The following FBXL17 variants were observed in gnomAD, a reference collection of about 807,000 sequenced individuals.
FBXL17 encodes the protein F-box/LRR-repeat protein 17.
FBXL17 carries 22 observed loss-of-function variants against 66.2 expected under a neutral mutation model. The observed-to-expected ratio is 0.33, with a 90% confidence interval of 0.24 to 0.47. The LOEUF is 0.47. Among genes scored for constraint, FBXL17 ranks in the 20% least tolerant of loss-of-function variants. The pLI, the probability that FBXL17 is intolerant of heterozygous loss-of-function variation, is 1.00. For missense variants in FBXL17, 878 were observed against 948.2 expected, an observed-to-expected ratio of 0.93 and a Z score of 0.97; for synonymous variants, 474 against 400.5, an observed-to-expected ratio of 1.18 and a Z score of -2.19.
intron 7 of FBXL17, among the ~76,000 whole-genome samples, chr5:107,904,086 G>GT: frequency 6.6e-6 from 1 of 152,276 alleles, no homozygotes; most frequent in East Asian, 1.9e-4. Context: ...TCCAAGCCTA[G>GT]ATCCCCTTTC....
intron 4 of FBXL17, chr5:108,299,742 A>C (rs903271592): frequency 2.0e-6 from 2 of 985,048 alleles, no homozygotes; most frequent in African/African-American, 3.5e-5. Flanking sequence ...TCCACTCTGC[A>C]GGAGCTGATT....
intron 8 of FBXL17, among the ~76,000 whole-genome samples, chr5:107,869,915 T>C (rs896818607): frequency 6.6e-6 from 1 of 152,236 alleles, no homozygotes; most frequent in Non-Finnish European, 1.5e-5. Flanking sequence ...AGCAAACTTA[T>C]GATAAATGTT....
intron 7 of FBXL17, among the ~76,000 whole-genome samples, chr5:107,936,431 A>AT (rs527710544): frequency 2.6e-5 from 4 of 152,118 alleles, no homozygotes; most frequent in East Asian, 3.9e-4. Context: ...TTTACTATTT[A>AT]TTTTTTTAAA....
chr5:108,041,586 T>G (rs1350681308), intron 6 of FBXL17, among the ~76,000 whole-genome samples: 2 of 152,048 alleles, frequency 1.3e-5, no homozygotes, highest in Non-Finnish European at 2.9e-5. Flanking sequence ...CTGGCTAATT[T>G]TTTTAATTTT....
chr5:108,168,076 T>C (rs1290437622), intron 6 of FBXL17, among the ~76,000 whole-genome samples: 3 of 152,202 alleles, frequency 2.0e-5, no homozygotes, highest in East Asian at 1.9e-4. Context: ...CTTTCCTATT[T>C]GTGTGTCAAA....
At chr5:108,326,835 A>G (rs1183258262) in intron 4 of FBXL17, among the ~76,000 whole-genome samples, 1 of 152,178 alleles carries the variant, frequency 6.6e-6, no homozygotes, top group African/African-American at 2.4e-5. Flanking sequence ...TGGTAGCGAC[A>G]TAGTAGTCCA....
intron 6 of FBXL17, among the ~76,000 whole-genome samples, chr5:108,070,713 G>C (rs1748296162): frequency 6.6e-6 from 1 of 152,164 alleles, no homozygotes; most frequent in Non-Finnish European, 1.5e-5. Context: ...GCTTTGGACA[G>C]TTTTTACTAA....
chr5:107,862,435 A>G (rs1208776703), intron 8 of FBXL17, among the ~76,000 whole-genome samples: 2 of 152,204 alleles, frequency 1.3e-5, no homozygotes, highest in Non-Finnish European at 2.9e-5. Context: ...AATAGACCTT[A>G]ACCATCAAAG....
intron 7 of FBXL17, among the ~76,000 whole-genome samples, chr5:107,987,153 C>A (rs1753045159): frequency 6.6e-6 from 1 of 151,914 alleles, no homozygotes; most frequent in African/African-American, 2.4e-5. Context: ...TATAATATAG[C>A]ACATAAAATT....
rs144019399 is a variant in FBXL17 at position 108,153,554 on chromosome 5, T to TA, written c.1745+32562dup. Among the ~76,000 whole-genome samples, 528 of 152,328 alleles carry TA rather than the reference T, an allele frequency of 3.5e-3. 2 individuals are homozygous for TA. Among genetic ancestry groups the TA allele is most frequent in the African/African-American group, 0.012 (510 of 41,568 alleles). ...GTAATGAGAAAATAAGAATTTAAGA[T>TA]AAAGTTTTATTGTAGAGACCAGCCT... On this transcript the variant is annotated intron_variant, in intron 6 of 8. Coordinates refer to ENST00000542267, the MANE Select transcript of FBXL17 (RefSeq NM_001163315.3).
chr5:107,876,839 C>A (rs540142193), intron 8 of FBXL17, among the ~76,000 whole-genome samples: 2 of 152,136 alleles, frequency 1.3e-5, no homozygotes, highest in Non-Finnish European at 2.9e-5. Flanking sequence ...AAAATAATTT[C>A]TACGACCAAA....
chr5:107,963,308 C>A (rs765962531), intron 7 of FBXL17, among the ~76,000 whole-genome samples: 3 of 152,022 alleles, frequency 2.0e-5, no homozygotes, highest in Admixed American at 6.6e-5. Context: ...CAGACATAGT[C>A]CCCTGGTCCC....
At chr5:108,343,412 T>C (rs1254599227) in intron 4 of FBXL17, among the ~76,000 whole-genome samples, 2 of 152,164 alleles carry the variant, frequency 1.3e-5, no homozygotes, top group Non-Finnish European at 2.9e-5. Context: ...AGTGAGTACT[T>C]AACCCTTTGT....
intron 4 of FBXL17, among the ~76,000 whole-genome samples, chr5:108,302,342 G>A (rs1030623920): frequency 6.6e-6 from 1 of 151,778 alleles, no homozygotes; most frequent in Non-Finnish European, 1.5e-5. Flanking sequence ...TTTATGGAAT[G>A]AGTGCTTCAA....
chr5:108,057,744 T>C (rs1747764372), intron 6 of FBXL17, among the ~76,000 whole-genome samples: 1 of 152,208 alleles, frequency 6.6e-6, no homozygotes, highest in Non-Finnish European at 1.5e-5. Flanking sequence ...GTTCAAATAG[T>C]GTGCTCTTTC....
chr5:108,346,737 C>T (rs1157276718), intron 4 of FBXL17, among the ~76,000 whole-genome samples: 3 of 152,074 alleles, frequency 2.0e-5, no homozygotes, highest in Admixed American at 6.6e-5. Flanking sequence ...GTCATTTAAT[C>T]GTCAAAACTA....
intron 5 of FBXL17, among the ~76,000 whole-genome samples, chr5:108,212,986 T>C (rs1273798578): frequency 5.9e-5 from 9 of 152,152 alleles, no homozygotes; most frequent in Non-Finnish European, 1.3e-4. Context: ...ACAGGAACTG[T>C]TGTCTTTTTT....
intron 6 of FBXL17, among the ~76,000 whole-genome samples, chr5:108,083,618 G>A (rs1474172364): frequency 2.0e-5 from 3 of 149,238 alleles, no homozygotes; most frequent in Non-Finnish European, 4.4e-5. Context: ...ATGTTGCTCA[G>A]GTTAGCCTTG....
chr5:107,920,493 C>T (rs914306019), intron 7 of FBXL17, among the ~76,000 whole-genome samples: 4 of 152,008 alleles, frequency 2.6e-5, no homozygotes, highest in Admixed American at 1.3e-4. Context: ...ATTATGGTGG[C>T]CAGAAAGAGT....
Sources: allele counts gnomAD v4.1 joint callset (sites outside exome capture counted in the v4.1 genomes callset), GRCh38; gene constraint gnomAD v4.1.1; transcripts MANE v1.5; gene names NCBI Gene and HGNC (gene_info 2026-07-23, HGNC 2026-07-21).